GALNTL6: variants seen among roughly 807,000 people sequenced by gnomAD.
GALNTL6 encodes the protein polypeptide N-acetylgalactosaminyltransferase like 6.
GALNTL6 carries 46 observed loss-of-function variants against 73.7 expected under a neutral mutation model. That is an observed-to-expected ratio of 0.62 (90% CI 0.49 to 0.80). The LOEUF (loss-of-function observed/expected upper bound fraction) is 0.80. Ranked by LOEUF, GALNTL6 falls within the 30% of genes least tolerant of loss-of-function variation. The probability of loss-of-function intolerance (pLI) is 0.00; values close to 1 mark genes in which losing one functional copy is unlikely to be tolerated. For synonymous variants in GALNTL6, 259 were observed against 263.7 expected, an observed-to-expected ratio of 0.98 and a Z score of 0.17; for missense variants, 604 against 755.0, an observed-to-expected ratio of 0.80 and a Z score of 2.34.
intron 5 of GALNTL6, among the ~76,000 whole-genome samples, chr4:172,484,200 T>A (rs1205339072): frequency 6.6e-6 from 1 of 152,168 alleles, no homozygotes; most frequent in Non-Finnish European, 1.5e-5. Flanking sequence ...TTTTAGATAG[T>A]CTCGCACCAG....
chr4:172,206,805 G>GTTTGTTTTTTTTTTTTTTTTTTT (rs1554003003), intron 2 of GALNTL6, among the ~76,000 whole-genome samples: 6 of 26,130 alleles, frequency 2.3e-4, no homozygotes, highest in Non-Finnish European at 5.1e-4. Context: ...TTGTTTTTCT[G>GTTTGTTTTTTTTTTTTTTTTTTT]TTTTTTTTGT....
At chr4:171,967,537 G>T (rs1015394180) in intron 2 of GALNTL6, among the ~76,000 whole-genome samples, 1 of 147,198 alleles carries the variant, frequency 6.8e-6, no homozygotes, top group African/African-American at 2.5e-5. Flanking sequence ...TCTTTGAAAA[G>T]GTTGTTCTTT....
intron 5 of GALNTL6, among the ~76,000 whole-genome samples, chr4:172,410,775 GC>G (rs1486873342): frequency 6.6e-6 from 1 of 151,942 alleles, no homozygotes; most frequent in Non-Finnish European, 1.5e-5. Context: ...ATTGTACTGG[GC>G]TTTTTTATTG....
intron 5 of GALNTL6, among the ~76,000 whole-genome samples, chr4:172,484,654 T>A (rs945777430): frequency 7.9e-5 from 12 of 152,336 alleles, no homozygotes; most frequent in African/African-American, 2.6e-4. Context: ...TAGCACCTTA[T>A]TAAGTGCATC....
chr4:172,690,656 T>A (rs1334573970), intron 5 of GALNTL6, among the ~76,000 whole-genome samples: 1 of 152,218 alleles, frequency 6.6e-6, no homozygotes, highest in African/African-American at 2.4e-5. Context: ...ATTACTCTCA[T>A]GTACTTCCTT....
rs75217635 is a variant in GALNTL6 at position 172,602,560 on chromosome 4, G to T, written c.554-206801G>T. Among the ~76,000 whole-genome samples, 1,085 of 152,072 alleles carry T rather than the reference G, an allele frequency of 7.1e-3. 18 individuals are homozygous for T. The highest frequency in any genetic ancestry group is 0.025 in the African/African-American group (1,030 of 41,504). ...AAGTGGAAGAGTTTATAAGTCAACA[G>T]AGGAGATAAAATGGAATATGAAAAT... On this transcript the variant is annotated intron_variant, in intron 5 of 12. Transcript: ENST00000506823.
chr4:173,035,180 C>CTTTT (rs5864181), intron 12 of GALNTL6, among the ~76,000 whole-genome samples: 1 of 136,642 alleles, frequency 7.3e-6, no homozygotes, highest in Non-Finnish European at 1.6e-5. Context: ...GTGCCATGCT[C>CTTTT]TTTTTTTTTT....
intron 2 of GALNTL6, among the ~76,000 whole-genome samples, chr4:172,035,942 G>C (rs193135881): frequency 6.6e-6 from 1 of 152,138 alleles, no homozygotes; most frequent in Admixed American, 6.6e-5. Context: ...TATCTTTTAT[G>C]AAAATTACAA....
At chr4:172,350,790 T>G (rs1257129597) in intron 5 of GALNTL6, among the ~76,000 whole-genome samples, 1 of 152,152 alleles carries the variant, frequency 6.6e-6, no homozygotes, top group Non-Finnish European at 1.5e-5. Flanking sequence ...TATGAAAATC[T>G]CATCTGAGAG....
At chr4:172,879,739 G>T (rs2111185013) in intron 7 of GALNTL6, among the ~76,000 whole-genome samples, 1 of 151,696 alleles carries the variant, frequency 6.6e-6, no homozygotes, top group South Asian at 2.1e-4. Flanking sequence ...TAAATCCAAA[G>T]TAAGCAGAAG....
At chr4:171,925,400 A>C (rs1737945977) in intron 2 of GALNTL6, among the ~76,000 whole-genome samples, 1 of 152,196 alleles carries the variant, frequency 6.6e-6, no homozygotes, top group Non-Finnish European at 1.5e-5. Flanking sequence ...ATTAAGACAA[A>C]GGAAGTAGAA....
chr4:172,965,248 A>G (rs999260139), intron 10 of GALNTL6, among the ~76,000 whole-genome samples: 1 of 152,204 alleles, frequency 6.6e-6, no homozygotes, highest in Non-Finnish European at 1.5e-5. Flanking sequence ...CTGAGTTTTC[A>G]ACATTGAGAC....
intron 5 of GALNTL6, among the ~76,000 whole-genome samples, chr4:172,589,399 A>G (rs1232241577): frequency 6.6e-6 from 1 of 152,174 alleles, no homozygotes; most frequent in African/African-American, 2.4e-5. Flanking sequence ...TCTTTTATTG[A>G]TTTATAGTCA....
chr4:172,058,841 G>A (rs1731109002), intron 2 of GALNTL6, among the ~76,000 whole-genome samples: 1 of 151,924 alleles, frequency 6.6e-6, no homozygotes, highest in Non-Finnish European at 1.5e-5. Context: ...TATCTTATAA[G>A]TCTTCAAAAG....
At chr4:172,045,419 T>C (rs1742187913) in intron 2 of GALNTL6, among the ~76,000 whole-genome samples, 1 of 152,086 alleles carries the variant, frequency 6.6e-6, no homozygotes, top group Non-Finnish European at 1.5e-5. Flanking sequence ...TAAAGTCTTC[T>C]CAGTTTTTGC....
intron 5 of GALNTL6, among the ~76,000 whole-genome samples, chr4:172,662,582 C>A (rs1731434195): frequency 6.6e-6 from 1 of 152,182 alleles, no homozygotes; most frequent in South Asian, 2.1e-4. Flanking sequence ...CAGTAAACTG[C>A]ATCATACTAA....
At chr4:172,332,260 G>A (rs1163561252) in intron 4 of GALNTL6, among the ~76,000 whole-genome samples, 2 of 151,718 alleles carry the variant, frequency 1.3e-5, no homozygotes, top group African/African-American at 2.4e-5. Flanking sequence ...AAAATTTATA[G>A]GATATAGGAG....
chr4:172,713,561 C>T (rs1190981321), intron 5 of GALNTL6, among the ~76,000 whole-genome samples: 1 of 152,126 alleles, frequency 6.6e-6, no homozygotes, highest in African/African-American at 2.4e-5. Context: ...AGCACCATCG[C>T]AGGGTACTGT....
intron 2 of GALNTL6, among the ~76,000 whole-genome samples, chr4:172,003,609 C>G (rs1740744485): frequency 6.6e-6 from 1 of 152,086 alleles, no homozygotes; most frequent in Non-Finnish European, 1.5e-5. Flanking sequence ...AATATTCAAT[C>G]TTTAAGCCAA....
Sources: allele counts gnomAD v4.1 joint callset (sites outside exome capture counted in the v4.1 genomes callset), GRCh38; gene constraint gnomAD v4.1.1; transcripts MANE v1.5; gene names NCBI Gene and HGNC (gene_info 2026-07-23, HGNC 2026-07-21).